CLCNKA: variants seen among roughly 807,000 people sequenced by gnomAD.
The protein encoded by CLCNKA is chloride voltage-gated channel Ka, also known as chloride channel protein ClC-Ka.
Under a neutral mutation model 83.3 loss-of-function variants are expected in CLCNKA, and 66 were observed. The observed-to-expected ratio is 0.79, with a 90% CI of 0.65 to 0.97. The LOEUF (loss-of-function observed/expected upper bound fraction) is 0.97, where lower values mean the gene tolerates loss of function less well. Among genes scored for constraint, CLCNKA ranks in the 50% least tolerant of loss-of-function variants. The probability of loss-of-function intolerance (pLI) is 0.00; values close to 1 mark genes in which losing one functional copy is unlikely to be tolerated. For missense variants in CLCNKA, 806 were observed against 888.7 expected (o/e 0.91, Z 1.18); for synonymous variants, 357 against 370.4 (o/e 0.96, Z 0.42).
At position 16,028,864 on chromosome 1, in the gene CLCNKA, G is replaced by A; in HGVS notation, c.1053+19G>A. On this transcript the variant is annotated intron_variant, in intron 11 of 19. Coordinates refer to ENST00000331433, the MANE Select transcript of CLCNKA (RefSeq NM_004070.4). Reference sequence around the variant, plus strand: ...TTCTCGGGTAAGGGGTCCTGAGCGGGGGTGGCAGGAGTGGGAACCCCCATT... The same window carrying A: ...TTCTCGGGTAAGGGGTCCTGAGCGGAGGTGGCAGGAGTGGGAACCCCCATT... 1 of 1,613,232 alleles carries A rather than the reference G, an allele frequency of 6.2e-7. No homozygotes were observed.
Position 16,029,010 on chromosome 1 carries a change from C to T in CLCNKA, c.1054-116C>T, listed in dbSNP as rs552446962. On this transcript the variant is annotated intron_variant, in intron 11 of 19. Coordinates refer to ENST00000331433, the MANE Select transcript of CLCNKA (RefSeq NM_004070.4). ...GGGAGGTCAGAGCCCTGCCCAAGGC[C>T]CCCCGCTGGGAAGTGGCAGGGGAGG... 87 of 1,534,570 alleles carry T rather than the reference C, an allele frequency of 5.7e-5. No individual in the cohort carries two copies. The East Asian group carries it at 2.0e-3, about 35-fold the overall frequency.
intron 10 of CLCNKA, 59 bp from the exon 11 acceptor site, chr1:16,028,702 C>T: frequency 6.3e-7 from 1 of 1,599,810 alleles, no homozygotes; most frequent in Non-Finnish European, 8.6e-7. Context: ...GTCCTACTTC[C>T]CTCTCCTCGG....
At chr1:16,022,918 G>A (rs2022194818) in intron 2 of CLCNKA, among the ~76,000 whole-genome samples, 199 bp downstream of exon 2, 1 of 152,238 alleles carries the variant, frequency 6.6e-6, no homozygotes, top group South Asian at 2.1e-4. Flanking sequence ...CCAGGCATCT[G>A]CCCTCTGCCT....
chr1:16,025,404 G>C (rs375402277), intron 4 of CLCNKA, among the ~76,000 whole-genome samples: 38 of 152,362 alleles, frequency 2.5e-4, no homozygotes, highest in East Asian at 1.3e-3. Flanking sequence ...TAGGTGCAGT[G>C]ACTCAGTCTA....
chr1:16,033,818 C>T lies in CLCNKA; in HGVS notation c.*160C>T. On this transcript the variant is annotated 3_prime_UTR_variant, in exon 20 of 20. Transcript: ENST00000331433. ...TCTAACCTAGCCCAGAAGAGGATGG[C>T]TCATCCTGGGTGGGACGATGGCTCC... is the stretch of plus-strand genomic sequence containing the variant. 10 of 775,478 alleles carry T rather than the reference C, an allele frequency of 1.3e-5. No individual in the cohort carries two copies. Among genetic ancestry groups the T allele is most frequent in the South Asian group, 1.2e-4 (8 of 67,522 alleles). The allele number at this position is 775,478 out of a possible 1,614,324, so 48.0% of individuals were successfully genotyped here. A position where few individuals can be genotyped will look rare whatever the true frequency, so the allele number is the denominator to read the frequency against.
In CLCNKA at chr1:16,028,756, C is replaced by G. The variant is rs369441598; in HGVS notation, c.969-5C>G. ...CCAGCCCTAGAGCTCACCCACCCCC[C>G]ACAGCAAGCCTGTGTACTCCGCTCT... On this transcript the variant is annotated splice_region_variant and splice_polypyrimidine_tract_variant and intron_variant, in intron 10 of 19. Transcript: ENST00000331433. 5.6e-5 allele frequency: 91 copies of G among 1,613,996 alleles called. No homozygotes were observed. The highest frequency in any genetic ancestry group is 6.9e-5 in the Non-Finnish European group (82 of 1,180,018).
At position 16,033,709 on chromosome 1, in the gene CLCNKA, T is replaced by C; in HGVS notation, c.*51T>C. On this transcript the variant is annotated 3_prime_UTR_variant, in exon 20 of 20. Coordinates refer to ENST00000331433, the MANE Select transcript of CLCNKA (RefSeq NM_004070.4). ...CACCCCAGCTGACCTGGTACTGAGG[T>C]TGGGCTGAGACCCTGCTTCTCTTCC... 2 of 1,581,244 alleles carry C rather than the reference T, an allele frequency of 1.3e-6. No individual in the cohort carries two copies. The highest frequency in any genetic ancestry group is 1.7e-6 in the Non-Finnish European group (2 of 1,152,922).
At chr1:16,025,390 G>A (rs1421261172) in intron 4 of CLCNKA, among the ~76,000 whole-genome samples, 2 of 152,244 alleles carry the variant, frequency 1.3e-5, no homozygotes, top group African/African-American at 4.8e-5. Context: ...GATCATAATA[G>A]GACTAGGTGC....
At chr1:16,028,579 A>T in intron 10 of CLCNKA, 182 bp from the exon 11 acceptor site, 1 of 760,912 alleles carries the variant, frequency 1.3e-6, no homozygotes, top group Non-Finnish European at 2.3e-6. Flanking sequence ...GGCTCACCCC[A>T]CGGGTTCTAC....
chr1:16,033,525 G>A (rs962707706), intron 19 of CLCNKA, 86 bp from the exon 20 acceptor site: 3 of 1,162,902 alleles, frequency 2.6e-6, no homozygotes. Flanking sequence ...GCCTGGAAAT[G>A]AACCTTAGGG....
intron 4 of CLCNKA, among the ~76,000 whole-genome samples, 174 bp from the exon 5 acceptor site, chr1:16,025,932 CTT>C (rs2022326658): frequency 6.6e-6 from 1 of 152,034 alleles, no homozygotes; most frequent in African/African-American, 2.4e-5. Context: ...TTTTTTGTAT[CTT>C]TAGTAGAGAT....
At chr1:16,026,329 G>T (rs2022346143) in intron 5 of CLCNKA, 82 bp downstream of exon 5, 3 of 1,567,878 alleles carry the variant, frequency 1.9e-6, no homozygotes, top group Middle Eastern at 3.6e-4. Context: ...ACCAAAGCTG[G>T]GTCAGAGCAG....
intron 2 of CLCNKA, 102 bp from the exon 3 acceptor site, chr1:16,023,698 C>T: frequency 6.9e-7 from 1 of 1,445,420 alleles, no homozygotes; most frequent in Non-Finnish European, 9.6e-7. Context: ...CCAGACTCAA[C>T]TACCAGGGTC....
chr1:16,031,128 G>T (rs2022607940), intron 15 of CLCNKA, among the ~76,000 whole-genome samples: 1 of 152,204 alleles, frequency 6.6e-6, no homozygotes, highest in African/African-American at 2.4e-5. Flanking sequence ...TAGGACCAGA[G>T]CAGCTTCTGG....
At chr1:16,028,738 T>C (rs767637995) in intron 10 of CLCNKA, 23 bp from the exon 11 acceptor site, 1 of 1,613,806 alleles carries the variant, frequency 6.2e-7, no homozygotes, top group South Asian at 1.1e-5. Context: ...GGGCCAGCCC[T>C]AGAGCTCACC....
In CLCNKA at chr1:16,028,927, A is replaced by T. The variant is rs560585498; in HGVS notation, c.1053+82A>T. 3.9e-6 allele frequency: 6 copies of T among 1,549,332 alleles called. No homozygotes were observed. The Admixed American group carries it at 5.0e-5, about 13-fold the overall frequency. On this transcript the variant is annotated intron_variant, in intron 11 of 19. Coordinates refer to ENST00000331433, the MANE Select transcript of CLCNKA (RefSeq NM_004070.4). ...TGCATGTGTCTCACGTAATACCCTC[A>T]GCACCCCACCAGGGTGACACCTGGG...
rs2022667711 is a variant in CLCNKA, at chr1:16,032,501, T to C, written c.1904T>C (p.Leu635Pro). ...CCCACGGAACCAGTGACCCTGACGC[T>C]ATTCTCAGAGACCACCTTGCACCAG... The part of the protein sequence containing the change: ...GCPTEPVTLT[L>P]FSETTLHQAQ... Residue 635 changes from leucine to proline, a missense_variant, in exon 18 of 20, where the codon CTA (leucine) becomes CCA (proline). Physicochemically the swap from Leu to Pro is moderately conservative, Grantham distance 98. Transcript: ENST00000331433. 1 of 1,613,228 alleles carries C rather than the reference T, an allele frequency of 6.2e-7. No homozygotes were observed. Among genetic ancestry groups the C allele is most frequent in the Non-Finnish European group, 8.5e-7 (1 of 1,179,852 alleles).
intron 3 of CLCNKA, 111 bp from the exon 4 acceptor site, chr1:16,024,652 G>C: frequency 2.1e-6 from 3 of 1,460,320 alleles, no homozygotes; most frequent in Non-Finnish European, 2.8e-6. Flanking sequence ...CTGTGGCCTG[G>C]TCCTCCCCTC....
chr1:16,027,824 C>T lies in CLCNKA; in HGVS notation c.785C>T (p.Thr262Ile). 5 of 1,610,040 alleles carry T rather than the reference C, an allele frequency of 3.1e-6. No homozygotes were observed. Among genetic ancestry groups the T allele is most frequent in the Non-Finnish European group, 4.2e-6 (5 of 1,178,202 alleles). ...LLAVFNSEQETITSLYKTSFR... is the reference protein window; with the variant it reads ...LLAVFNSEQEIITSLYKTSFR... The stretch of plus-strand genomic sequence containing the variant: ...CCCCACTGCCCTCCTTCCCCAGAGA[C>T]CATCACCTCCCTCTACAAGACCAGT... The change falls in exon 9 of 20, where the codon ACC becomes ATC. Residue 262 changes from threonine to isoleucine, a missense_variant. Coordinates refer to ENST00000331433, the MANE Select transcript of CLCNKA (RefSeq NM_004070.4).
Sources: gnomAD v4.1 joint callset for allele counts (sites outside exome capture counted in the v4.1 genomes callset) on GRCh38, gnomAD v4.1.1 for gene constraint, MANE v1.5 for transcripts, NCBI Gene and HGNC (gene_info 2026-07-23, HGNC 2026-07-21) for gene names.